LRRC7: variants seen among roughly 807,000 people sequenced by gnomAD.
The protein encoded by LRRC7 is leucine-rich repeat-containing protein 7.
A neutral mutation model predicts 175.7 loss-of-function variants in LRRC7; 23 were observed. That is an observed-to-expected ratio of 0.13 (90% CI 0.09 to 0.19). LRRC7 has a LOEUF of 0.19. Among genes scored for constraint, LRRC7 ranks in the 10% least tolerant of loss-of-function variants. The pLI, the probability that LRRC7 is intolerant of heterozygous loss-of-function variation, is 1.00. For synonymous variants in LRRC7, 685 were observed against 680.9 expected, an observed-to-expected ratio of 1.01 and a Z score of -0.09; for missense variants, 1,354 against 1,904.7, an observed-to-expected ratio of 0.71 and a Z score of 5.38.
intron 2 of LRRC7, among the ~76,000 whole-genome samples, chr1:69,735,564 T>C (rs1298955679): frequency 6.6e-6 from 1 of 152,112 alleles, no homozygotes; most frequent in Non-Finnish European, 1.5e-5. Flanking sequence ...GATGCTAAAC[T>C]CTTGCGTAGT....
intron 22 of LRRC7, among the ~76,000 whole-genome samples, chr1:70,052,761 G>A (rs1244610371): frequency 2.6e-5 from 4 of 151,918 alleles, no homozygotes; most frequent in African/African-American, 9.6e-5. Context: ...TTTTATTCAG[G>A]TACTGTAAAT....
chr1:70,114,972 C>G (rs1045297545), intron 26 of LRRC7, among the ~76,000 whole-genome samples: 7 of 152,142 alleles, frequency 4.6e-5, no homozygotes, highest in African/African-American at 1.7e-4. Context: ...TACAACCCTG[C>G]AAGATATCTA....
At position 69,568,481 on chromosome 1, in the gene LRRC7, T is replaced by C; in HGVS notation, c.-159T>C. 4.1e-6 allele frequency: 2 copies of C among 490,268 alleles called. No individual in the cohort carries two copies. Among genetic ancestry groups the C allele is most frequent in the South Asian group, 4.3e-5 (2 of 46,366 alleles). The allele number at this position is 490,268 out of a possible 1,614,324, so 30.4% of individuals were successfully genotyped here. ...CGTGGCACCTTCCTGGATTCCCCTC[T>C]ATCTCCTGTTCTTCCTACCTTCTAC... On this transcript the variant is annotated 5_prime_UTR_variant, in exon 1 of 27. Transcript: ENST00000651989.
At chr1:70,107,948 C>A in intron 26 of LRRC7, 122 bp downstream of exon 26, 1 of 884,160 alleles carries the variant, frequency 1.1e-6, no homozygotes, top group Non-Finnish European at 1.8e-6. Context: ...TGCTTATTTG[C>A]CTTTATTATT....
intron 1 of LRRC7, among the ~76,000 whole-genome samples, chr1:69,658,017 A>G (rs1466875675): frequency 2.0e-5 from 3 of 151,904 alleles, no homozygotes; most frequent in African/African-American, 4.8e-5. Context: ...TTTTATACCC[A>G]TAGAATCAGC....
chr1:69,581,155 A>G (rs1363936565), intron 1 of LRRC7, among the ~76,000 whole-genome samples: 1 of 152,200 alleles, frequency 6.6e-6, no homozygotes, highest in East Asian at 1.9e-4. Flanking sequence ...TTTATCCTAC[A>G]TTCTGTGCAA....
intron 7 of LRRC7, among the ~76,000 whole-genome samples, chr1:69,845,845 T>C (rs1682297815): frequency 1.3e-5 from 2 of 152,154 alleles, no homozygotes; most frequent in East Asian, 1.9e-4. Flanking sequence ...TAATACATAA[T>C]TGGATACTGT....
intron 7 of LRRC7, among the ~76,000 whole-genome samples, chr1:69,859,410 A>G (rs889569804): frequency 2.6e-5 from 4 of 152,098 alleles, no homozygotes. Flanking sequence ...TAGAAGGCTT[A>G]CTATATAGGT....
At chr1:69,953,636 A>T (rs2101828231) in intron 8 of LRRC7, among the ~76,000 whole-genome samples, 1 of 152,002 alleles carries the variant, frequency 6.6e-6, no homozygotes, top group Admixed American at 6.6e-5. Context: ...AGGCCTTTTC[A>T]TTTTTTTACA....
rs1394567052 is a variant in LRRC7 at position 70,039,021 on chromosome 1, A to G, written c.3197A>G (p.Tyr1066Cys). ...AAAGCTTCTATGACAAAAAAAGTCT[A>G]TCAGTTTGACCAAAGCTTCAATCCT... ...QQKASMTKKV[Y>C]QFDQSFNPQG... Residue 1066 changes from tyrosine to cysteine, a missense_variant, in exon 21 of 27, where the codon TAT becomes TGT. By Grantham distance (194) the Tyr-to-Cys change is radical. Coordinates refer to ENST00000651989, the MANE Select transcript of LRRC7 (RefSeq NM_001370785.2). 1 of 1,614,082 alleles carries G rather than the reference A, an allele frequency of 6.2e-7. No individual in the cohort carries two copies. The highest frequency in any genetic ancestry group is 8.5e-7 in the Non-Finnish European group (1 of 1,180,008).
chr1:69,857,841 C>G (rs145836829), intron 7 of LRRC7, among the ~76,000 whole-genome samples: 1 of 152,104 alleles, frequency 6.6e-6, no homozygotes, highest in South Asian at 2.1e-4. Context: ...GGAGGCATCA[C>G]GCTACCTGAC....
In LRRC7 at chr1:69,663,700, A is replaced by ATTTTTTT. The variant is rs552339451; in HGVS notation, c.3-14655_3-14649dup. Among the ~76,000 whole-genome samples the ATTTTTTT allele has an allele frequency of 1.0e-3, 69 of 67,748 alleles. 3 individuals are homozygous for ATTTTTTT. Among genetic ancestry groups the ATTTTTTT allele is most frequent in the African/African-American group, 2.3e-3 (35 of 14,950 alleles). 44.4% of individuals were successfully genotyped at this position (67,748 alleles called of 152,430 possible). A position where few individuals can be genotyped will look rare whatever the true frequency, so the allele number is the denominator to read the frequency against. ...TGTCTCCATTAGTTCAATCGTTTTA[A>ATTTTTTT]TTTTTTTTTTTTTTTTTTTTTTTTT... On this transcript the variant is annotated intron_variant, in intron 1 of 26. Transcript: ENST00000651989.
intron 7 of LRRC7, among the ~76,000 whole-genome samples, chr1:69,882,846 G>A (rs1012034215): frequency 2.7e-5 from 4 of 145,918 alleles, no homozygotes; most frequent in African/African-American, 5.1e-5. Context: ...TCCCACCTAT[G>A]AGTGAGAATA....
intron 7 of LRRC7, among the ~76,000 whole-genome samples, chr1:69,891,223 C>T (rs866333814): frequency 1.3e-5 from 2 of 152,190 alleles, no homozygotes; most frequent in Admixed American, 6.5e-5. Context: ...CACAAATCTT[C>T]CTTTCACTTG....
At chr1:69,907,297 G>C (rs1646350497) in intron 7 of LRRC7, among the ~76,000 whole-genome samples, 1 of 152,144 alleles carries the variant, frequency 6.6e-6, no homozygotes, top group African/African-American at 2.4e-5. Context: ...CCAACACTAT[G>C]TTGAATAGGA....
chr1:70,102,903 C>T (rs1664893464), intron 25 of LRRC7, among the ~76,000 whole-genome samples: 1 of 152,060 alleles, frequency 6.6e-6, no homozygotes. Flanking sequence ...CCACTGCTTG[C>T]ACAGTGTGGT....
At chr1:70,075,856 CA>C (rs1221748374) in intron 23 of LRRC7, among the ~76,000 whole-genome samples, 8 of 152,312 alleles carry the variant, frequency 5.3e-5, no homozygotes, top group African/African-American at 1.9e-4. Context: ...GGCAAGCCAG[CA>C]GATGACTATG....
At chr1:69,862,325 A>C (rs1570388412) in intron 7 of LRRC7, among the ~76,000 whole-genome samples, 1 of 152,198 alleles carries the variant, frequency 6.6e-6, no homozygotes, top group East Asian at 1.9e-4. Context: ...GATGAGCAAA[A>C]ATAGAGAGTG....
chr1:69,817,619 T>G (rs1051679539), intron 4 of LRRC7, among the ~76,000 whole-genome samples: 2 of 152,172 alleles, frequency 1.3e-5, no homozygotes, highest in Admixed American at 6.5e-5. Flanking sequence ...CAGAATCTTT[T>G]GTGATTTCAT....
Sources: gnomAD v4.1 joint callset for allele counts (sites outside exome capture counted in the v4.1 genomes callset) on GRCh38, gnomAD v4.1.1 for gene constraint, MANE v1.5 for transcripts, NCBI Gene and HGNC (gene_info 2026-07-23, HGNC 2026-07-21) for gene names.